TENM4: variants seen among roughly 807,000 people sequenced by gnomAD.
TENM4 encodes the protein teneurin transmembrane protein 4, also known as teneurin-4.
A neutral mutation model predicts 243.3 loss-of-function variants in TENM4; 82 were observed. That is an observed-to-expected ratio of 0.34 (90% CI 0.28 to 0.40). The LOEUF (loss-of-function observed/expected upper bound fraction) is 0.40. Ranked by LOEUF, TENM4 falls within the 10% of genes least tolerant of loss-of-function variation. The pLI is 1.00. For missense variants in TENM4, 3,138 were observed against 3,673.3 expected, an observed-to-expected ratio of 0.85 and a Z score of 3.77; for synonymous variants, 1,412 against 1,456.3, an observed-to-expected ratio of 0.97 and a Z score of 0.69.
chr11:78,886,978 G>A (rs1275438641), intron 9 of TENM4, among the ~76,000 whole-genome samples: 8 of 152,112 alleles, frequency 5.3e-5, no homozygotes, highest in Non-Finnish European at 1.0e-4. Flanking sequence ...CTAGTTGACT[G>A]CAATAGTTTC....
At chr11:79,040,509 G>A (rs1447326434) in intron 6 of TENM4, among the ~76,000 whole-genome samples, 1 of 152,192 alleles carries the variant, frequency 6.6e-6, no homozygotes, top group Non-Finnish European at 1.5e-5. Context: ...GGTGTTTGCT[G>A]CACTTACTAT....
At chr11:78,740,545 G>A (rs1046596091) in intron 19 of TENM4, among the ~76,000 whole-genome samples, 3 of 152,210 alleles carry the variant, frequency 2.0e-5, no homozygotes, top group East Asian at 1.9e-4. Context: ...TTATCTCTCC[G>A]CTAATGGGGA....
chr11:79,037,118 A>T (rs904071321), intron 6 of TENM4, among the ~76,000 whole-genome samples: 2 of 152,198 alleles, frequency 1.3e-5, no homozygotes, highest in African/African-American at 4.8e-5. Context: ...GCAGGTAGGA[A>T]AGGGGCGATT....
intron 28 of TENM4, among the ~76,000 whole-genome samples, chr11:78,696,041 T>C (rs1858953230): frequency 6.6e-6 from 1 of 152,096 alleles, no homozygotes; most frequent in South Asian, 2.1e-4. Context: ...TTGGATGTTG[T>C]CCCACAGATC....
intron 2 of TENM4, among the ~76,000 whole-genome samples, chr11:79,235,315 CA>C (rs201184142): frequency 6.7e-6 from 1 of 148,820 alleles, no homozygotes; most frequent in Non-Finnish European, 1.5e-5. Flanking sequence ...ACTCCGTCTC[CA>C]AAAAAAAATG....
intron 2 of TENM4, among the ~76,000 whole-genome samples, chr11:79,236,783 T>C (rs561289733): frequency 1.2e-4 from 18 of 152,298 alleles, no homozygotes; most frequent in African/African-American, 3.6e-4. Context: ...ATGGAGCAAA[T>C]GCACCCACAG....
intron 6 of TENM4, among the ~76,000 whole-genome samples, chr11:79,025,667 G>A (rs1051287643): frequency 2.0e-5 from 3 of 152,208 alleles, no homozygotes; most frequent in African/African-American, 7.2e-5. Context: ...TTTATGTAAA[G>A]CCAAAAGGAT....
At position 79,164,557 on chromosome 11, in the gene TENM4, T is replaced by TATATATACTATATACTATATATATAC. The variant is rs1418753082; in HGVS notation, c.-162-15777_-162-15752dup. Among the ~76,000 whole-genome samples, 412 of 144,504 alleles carry TATATATACTATATACTATATATATAC rather than the reference T, an allele frequency of 2.9e-3. 2 individuals carry two copies. Among genetic ancestry groups the TATATATACTATATACTATATATATAC allele is most frequent in the East Asian group, 9.8e-3 (49 of 5,000 alleles). The allele number at this position is 144,504 out of a possible 152,430, so 94.8% of individuals were successfully genotyped here. On this transcript the variant is annotated intron_variant, in intron 3 of 33. Coordinates refer to ENST00000278550, the MANE Select transcript of TENM4 (RefSeq NM_001098816.3). ...TATAGTACTATATATATCTATATACTATATATACTATATACTATATATATA... is the reference window on the plus strand; with the variant it reads ...TATAGTACTATATATATCTATATACTATATATACTATATACTATATATATACATATATACTATATACTATATATATA...
chr11:79,023,941 G>A (rs12270382), intron 6 of TENM4, among the ~76,000 whole-genome samples: 13,392 of 152,236 alleles, frequency 0.088, 1,680 homozygotes, highest in African/African-American at 0.28. Context: ...CACCTACCAC[G>A]AAAGAAACAT....
chr11:79,335,579 C>T (rs575575340), intron 1 of TENM4, among the ~76,000 whole-genome samples: 2 of 152,302 alleles, frequency 1.3e-5, no homozygotes, highest in Admixed American at 1.3e-4. Context: ...ACTGCAGATC[C>T]TTCTCAGAAG....
chr11:79,083,995 AT>A (rs1591269390), intron 4 of TENM4, among the ~76,000 whole-genome samples: 1 of 152,344 alleles, frequency 6.6e-6, no homozygotes, highest in East Asian at 1.9e-4. Flanking sequence ...ACACATATAT[AT>A]ATGAAACTTT....
intron 6 of TENM4, among the ~76,000 whole-genome samples, chr11:78,990,398 G>T (rs1460106845): frequency 6.6e-6 from 1 of 152,108 alleles, no homozygotes; most frequent in Non-Finnish European, 1.5e-5. Flanking sequence ...CAATAGGACC[G>T]GAGCACCCTG....
intron 2 of TENM4, among the ~76,000 whole-genome samples, chr11:79,287,784 C>T (rs945527765): frequency 2.0e-5 from 3 of 152,152 alleles, no homozygotes; most frequent in Non-Finnish European, 4.4e-5. Context: ...AGATTCTTCC[C>T]TAGGCAAAAA....
At chr11:79,228,388 C>T (rs61882120) in intron 2 of TENM4, among the ~76,000 whole-genome samples, 15 of 152,170 alleles carry the variant, frequency 9.9e-5, no homozygotes, top group Non-Finnish European at 2.1e-4. Flanking sequence ...CTGAAAGGAC[C>T]ACCAGGTGCA....
At chr11:79,069,658 G>T in intron 5 of TENM4, 64 bp downstream of exon 5, 1 of 1,494,810 alleles carries the variant, frequency 6.7e-7, no homozygotes. Flanking sequence ...GCCCACCCGA[G>T]CCCATGCCTA....
chr11:78,933,087 C>G (rs1237447275), intron 6 of TENM4, among the ~76,000 whole-genome samples: 2 of 152,132 alleles, frequency 1.3e-5, no homozygotes, highest in East Asian at 3.9e-4. Context: ...CTCCAGGCAC[C>G]ACATTCCACA....
chr11:79,277,535 C>T (rs1260267173), intron 2 of TENM4, among the ~76,000 whole-genome samples: 1 of 152,170 alleles, frequency 6.6e-6, no homozygotes, highest in Non-Finnish European at 1.5e-5. Context: ...CCTGGCTTTT[C>T]ACCATGTCAT....
chr11:78,870,187 T>C (rs192705406), intron 9 of TENM4, among the ~76,000 whole-genome samples: 196 of 152,368 alleles, frequency 1.3e-3, no homozygotes, highest in African/African-American at 4.6e-3. Flanking sequence ...CTTAGAACTA[T>C]GCCTGGTACA....
At chr11:78,811,877 C>A (rs1232828977) in intron 14 of TENM4, among the ~76,000 whole-genome samples, 1 of 152,234 alleles carries the variant, frequency 6.6e-6, no homozygotes, top group African/African-American at 2.4e-5. Context: ...AGGCTTCTAG[C>A]ACAGCCCCGT....
Sources: allele counts gnomAD v4.1 joint callset (sites outside exome capture counted in the v4.1 genomes callset), GRCh38; gene constraint gnomAD v4.1.1; transcripts MANE v1.5; gene names NCBI Gene and HGNC (gene_info 2026-07-23, HGNC 2026-07-21).